The following GALNT13 variants were observed in gnomAD, a reference collection of about 807,000 sequenced individuals.
GALNT13 encodes the protein polypeptide N-acetylgalactosaminyltransferase 13, also known as UDP-GalNAc:polypeptide N-acetylgalactosaminyltransferase 13.
A neutral mutation model predicts 64.2 loss-of-function variants in GALNT13; 28 were observed. The ratio of observed to expected loss-of-function variants is 0.44; its 90% confidence interval spans 0.32 to 0.60. The LOEUF (loss-of-function observed/expected upper bound fraction) is 0.60. Ranked by LOEUF, GALNT13 falls within the 20% of genes least tolerant of loss-of-function variation. The pLI, the probability that GALNT13 is intolerant of heterozygous loss-of-function variation, is 0.05. For missense variants in GALNT13, 577 were observed against 669.8 expected (o/e 0.86, Z 1.53); for synonymous variants, 214 against 224.6 (o/e 0.95, Z 0.42).
intron 1 of GALNT13, among the ~76,000 whole-genome samples, chr2:153,887,164 A>G (rs1687239044): frequency 6.6e-6 from 1 of 151,864 alleles, no homozygotes; most frequent in Non-Finnish European, 1.5e-5. Flanking sequence ...TTACAGCACT[A>G]TGAGCTAGAT....
At chr2:153,945,372 T>C (rs996767338) in intron 3 of GALNT13, among the ~76,000 whole-genome samples, 5 of 152,176 alleles carry the variant, frequency 3.3e-5, no homozygotes, top group Non-Finnish European at 7.4e-5. Flanking sequence ...TATAAATATA[T>C]TTCTAATGTA....
chr2:153,564,288 G>A, the GALNT13 span, among the ~76,000 whole-genome samples: 3 of 151,896 alleles, frequency 2.0e-5, no homozygotes, highest in Non-Finnish European at 4.4e-5. Context: ...CATACTACCT[G>A]CACTCTCAAT....
chr2:154,318,306 A>T (rs969372625), intron 9 of GALNT13, among the ~76,000 whole-genome samples: 3 of 152,350 alleles, frequency 2.0e-5, no homozygotes, highest in East Asian at 3.9e-4. Context: ...AAAACGCCTT[A>T]AAAAACTTAA....
the GALNT13 span, among the ~76,000 whole-genome samples, chr2:153,512,016 T>C: frequency 6.6e-6 from 1 of 152,116 alleles, no homozygotes; most frequent in African/African-American, 2.4e-5. Flanking sequence ...TGCGTATGTA[T>C]GACCTACAAT....
At chr2:154,365,205 C>A (rs1697301662) in intron 9 of GALNT13, among the ~76,000 whole-genome samples, 1 of 152,070 alleles carries the variant, frequency 6.6e-6, no homozygotes, top group Non-Finnish European at 1.5e-5. Context: ...CACTGAACAC[C>A]TTTACCAAGT....
At chr2:153,355,695 T>C in the GALNT13 span, among the ~76,000 whole-genome samples, 5 of 152,278 alleles carry the variant, frequency 3.3e-5, no homozygotes, top group Non-Finnish European at 5.9e-5. Flanking sequence ...CTCTCGGCCC[T>C]GGGTGATTTA....
chr2:153,174,010 C>T, the GALNT13 span, among the ~76,000 whole-genome samples: 10 of 152,210 alleles, frequency 6.6e-5, no homozygotes, highest in Middle Eastern at 6.8e-3. Flanking sequence ...CTTAGCAGGG[C>T]AAATTTTATT....
At chr2:154,341,907 C>T (rs977747947) in intron 9 of GALNT13, among the ~76,000 whole-genome samples, 1 of 151,818 alleles carries the variant, frequency 6.6e-6, no homozygotes, top group Non-Finnish European at 1.5e-5. Context: ...ATATATTTCC[C>T]AAAGATAGAG....
At chr2:153,498,129 G>T in the GALNT13 span, among the ~76,000 whole-genome samples, 1 of 152,208 alleles carries the variant, frequency 6.6e-6, no homozygotes, top group African/African-American at 2.4e-5. Context: ...CAACACTTCA[G>T]GTCATGCAGT....
chr2:153,814,243 A>G, the GALNT13 span, among the ~76,000 whole-genome samples: 8 of 152,128 alleles, frequency 5.3e-5, no homozygotes, highest in Non-Finnish European at 8.8e-5. Context: ...GATCGAGACC[A>G]TCCTGGCTAA....
At chr2:154,150,798 C>T (rs201003367) in intron 4 of GALNT13, among the ~76,000 whole-genome samples, 84 of 152,006 alleles carry the variant, frequency 5.5e-4, no homozygotes, top group East Asian at 3.9e-3. Flanking sequence ...TTTTTTATTG[C>T]GTCTATTTGA....
At chr2:153,631,786 T>C in the GALNT13 span, among the ~76,000 whole-genome samples, 1 of 152,230 alleles carries the variant, frequency 6.6e-6, no homozygotes, top group African/African-American at 2.4e-5. Flanking sequence ...TAGTTTCTTT[T>C]GCTGTGCAGA....
chr2:153,934,933 T>G (rs1268649843), intron 2 of GALNT13, among the ~76,000 whole-genome samples: 4 of 152,168 alleles, frequency 2.6e-5, no homozygotes, highest in Non-Finnish European at 5.9e-5. Flanking sequence ...CCACTTTTGA[T>G]CTTTGATCAT....
chr2:153,854,109 A>C, the GALNT13 span, among the ~76,000 whole-genome samples: 1 of 151,974 alleles, frequency 6.6e-6, no homozygotes, highest in Non-Finnish European at 1.5e-5. Flanking sequence ...CACAATTGTA[A>C]TTATTGCTAA....
chr2:153,391,239 C>T, the GALNT13 span, among the ~76,000 whole-genome samples: 1 of 151,986 alleles, frequency 6.6e-6, no homozygotes, highest in Non-Finnish European at 1.5e-5. Flanking sequence ...TTAATAGTGT[C>T]ACTCTGACTG....
At chr2:154,259,675 A>G (rs895740703) in intron 8 of GALNT13, among the ~76,000 whole-genome samples, 3 of 152,208 alleles carry the variant, frequency 2.0e-5, no homozygotes, top group Non-Finnish European at 4.4e-5. Flanking sequence ...AAATTGAGGA[A>G]TAAGTCCTTA....
chr2:153,324,615 G>T, the GALNT13 span, among the ~76,000 whole-genome samples: 1 of 152,042 alleles, frequency 6.6e-6, no homozygotes, highest in Non-Finnish European at 1.5e-5. Flanking sequence ...ATTGGCTGTG[G>T]GTTTGTCATA....
At chr2:154,278,025 G>T (rs553642617) in intron 8 of GALNT13, among the ~76,000 whole-genome samples, 1 of 152,204 alleles carries the variant, frequency 6.6e-6, no homozygotes, top group East Asian at 1.9e-4. Context: ...CCATAGCCTA[G>T]TAATATGTGA....
At chr2:153,685,065 C>A in the GALNT13 span, among the ~76,000 whole-genome samples, 1 of 151,636 alleles carries the variant, frequency 6.6e-6, no homozygotes, top group African/African-American at 2.4e-5. Context: ...ACTGGGCTAT[C>A]ATTTAAGTTG....
Sources: allele counts gnomAD v4.1 joint callset (sites outside exome capture counted in the v4.1 genomes callset), GRCh38; gene constraint gnomAD v4.1.1; transcripts MANE v1.5; gene names NCBI Gene and HGNC (gene_info 2026-07-23, HGNC 2026-07-21).